DNAH9: variants seen among roughly 807,000 people sequenced by gnomAD.
DNAH9 encodes DNAH9 variant protein.
In DNAH9, 345 loss-of-function variants were observed where a neutral mutation model predicts 471.6. That is an observed-to-expected ratio of 0.73 (90% CI 0.67 to 0.80). The LOEUF (loss-of-function observed/expected upper bound fraction) is 0.80, where lower values mean the gene tolerates loss of function less well. Ranked by LOEUF, DNAH9 falls within the 30% of genes least tolerant of loss-of-function variation. The pLI is 0.00. For synonymous variants in DNAH9, 2,093 were observed against 2,123.6 expected (o/e 0.99, Z 0.40); for missense variants, 5,407 against 5,609.2 (o/e 0.96, Z 1.15).
At chr17:11,607,926 A>G (rs1308721269) in intron 1 of DNAH9, among the ~76,000 whole-genome samples, 1 of 152,076 alleles carries the variant, frequency 6.6e-6, no homozygotes, top group African/African-American at 2.4e-5. Flanking sequence ...GGGAAGGAAA[A>G]CTTGTAAGCA....
rs1298948380 is a variant in DNAH9, at chr17:11,623,876, C to G, written c.1350+4095C>G. 6.6e-6 allele frequency among the ~76,000 whole-genome samples: 1 copy of G among 152,154 alleles called. No homozygotes were observed. The highest frequency in any genetic ancestry group is 1.5e-5 in the Non-Finnish European group (1 of 68,046). ...CACAATTCTCCCAGATTTCATTTCT[C>G]TGATGTGAGTTGCTTTTTTATTCTT... On this transcript the variant is annotated intron_variant, in intron 6 of 68. Coordinates refer to ENST00000262442, the MANE Select transcript of DNAH9 (RefSeq NM_001372.4). The surrounding 1 kb of genome is among the most constrained non-coding windows in gnomAD (Gnocchi z 4.1).
intron 7 of DNAH9, 83 bp downstream of exon 7, chr17:11,629,667 T>C: frequency 7.8e-7 from 1 of 1,276,038 alleles, no homozygotes; most frequent in South Asian, 1.5e-5. Context: ...TTTACTTGCA[T>C]TTTCCCTGTG....
chr17:11,683,700 C>G (rs1005452434), intron 19 of DNAH9, among the ~76,000 whole-genome samples: 2 of 151,870 alleles, frequency 1.3e-5, no homozygotes, highest in South Asian at 2.1e-4. Context: ...GTTTTTCTTT[C>G]TTTGCACTTG....
Position 11,796,476 on chromosome 17 carries a change from G to A in DNAH9, c.8224-1121G>A, listed in dbSNP as rs28420189. ...AGTCCTTTCTTCTTACACCCAGGCA[G>A]CAGCCCTGGTTTCTCTATAGATGTT... On this transcript the variant is annotated intron_variant, in intron 42 of 68. Transcript: ENST00000262442. 5.7e-3 allele frequency among the ~76,000 whole-genome samples: 861 copies of A among 152,286 alleles called. 6 individuals carry two copies. The highest frequency in any genetic ancestry group is 0.019 in the African/African-American group (783 of 41,540).
In DNAH9 at chr17:11,619,469, T is replaced by C; in HGVS notation, c.1117-79T>C. 5 of 782,646 alleles carry C rather than the reference T, an allele frequency of 6.4e-6. No homozygotes were observed. In the South Asian group the frequency reaches 7.6e-5, roughly 12 times the overall value. The allele number at this position is 782,646 out of a possible 1,614,324, so 48.5% of individuals were successfully genotyped here. ...CTCGTGAAAAATATTACTGGGGCAA[T>C]GATTCAGTTCAGAGTTGGTGTTGCA... On this transcript the variant is annotated intron_variant, in intron 5 of 68. Coordinates refer to ENST00000262442, the MANE Select transcript of DNAH9 (RefSeq NM_001372.4).
rs763428105 is a variant in DNAH9, at chr17:11,881,377, G to A, written c.10770G>A (p.Val3590=). Residue 3590 remains valine, a synonymous_variant, in exon 55 of 69, where the codon GTG becomes GTA. Transcript: ENST00000262442. ...TGGAGGACCAGTTGCTGGCCGCTGT[G>A]GTCAGCATGGAGAGGCCAGACTTGG... The part of the protein sequence containing the change: ...DGLEDQLLAA[V]VSMERPDLEQ... The A allele has an allele frequency of 1.2e-6, 2 of 1,613,658 alleles. No individual in the cohort carries two copies. The highest frequency in any genetic ancestry group is 1.7e-6 in the Non-Finnish European group (2 of 1,180,008).
intron 45 of DNAH9, among the ~76,000 whole-genome samples, chr17:11,817,204 C>T (rs1970130018): frequency 6.6e-6 from 1 of 152,170 alleles, no homozygotes; most frequent in Non-Finnish European, 1.5e-5. Context: ...ACCTACATCA[C>T]AAAACAAGTG....
chr17:11,827,194 A>G (rs930621874), intron 48 of DNAH9, among the ~76,000 whole-genome samples: 1 of 152,172 alleles, frequency 6.6e-6, no homozygotes, highest in Non-Finnish European at 1.5e-5. Context: ...TGAACTCTCA[A>G]TCCAGCATCA....
At chr17:11,667,318 C>G (rs554301478) in intron 15 of DNAH9, among the ~76,000 whole-genome samples, 1 of 151,956 alleles carries the variant, frequency 6.6e-6, no homozygotes, top group East Asian at 1.9e-4. Context: ...ATAAACTATA[C>G]CATCTTATAA....
At chr17:11,701,367 T>G in intron 24 of DNAH9, 120 bp downstream of exon 24, 4 of 1,146,124 alleles carry the variant, frequency 3.5e-6, no homozygotes, top group South Asian at 2.9e-5. Flanking sequence ...CCAGGGAGGC[T>G]TGAATCCCAG....
chr17:11,644,427 C>T (rs1228672496), intron 10 of DNAH9, among the ~76,000 whole-genome samples: 3 of 152,050 alleles, frequency 2.0e-5, no homozygotes, highest in Non-Finnish European at 2.9e-5. Flanking sequence ...CTGACACTTG[C>T]GGAGCTGCCT....
intron 50 of DNAH9, among the ~76,000 whole-genome samples, chr17:11,863,040 A>G (rs1433429232): frequency 6.6e-6 from 1 of 152,198 alleles, no homozygotes; most frequent in Non-Finnish European, 1.5e-5. Flanking sequence ...TGCCCTGGAC[A>G]GAACTTCCAA....
chr17:11,610,571 A>G lies in DNAH9; in HGVS notation c.773+17A>G, dbSNP rs1168397561. 1 of 1,610,900 alleles carries G rather than the reference A, an allele frequency of 6.2e-7. No individual in the cohort carries two copies. Among genetic ancestry groups the G allele is most frequent in the Non-Finnish European group, 8.5e-7 (1 of 1,179,164 alleles). On this transcript the variant is annotated intron_variant, in intron 3 of 68. Coordinates refer to ENST00000262442, the MANE Select transcript of DNAH9 (RefSeq NM_001372.4). Reference sequence around the variant, plus strand: ...GAAGAGCAGGTAGGCAAGAAGGCACATGCTGGAAGTCTGGGGTGAAGATGT... The same window carrying G: ...GAAGAGCAGGTAGGCAAGAAGGCACGTGCTGGAAGTCTGGGGTGAAGATGT...
intron 50 of DNAH9, among the ~76,000 whole-genome samples, chr17:11,865,451 C>T (rs1175532933): frequency 1.3e-5 from 2 of 152,108 alleles, no homozygotes; most frequent in Non-Finnish European, 1.5e-5. Context: ...CTGCCCTTAA[C>T]ATTTTTTCCT....
At chr17:11,833,800 T>C (rs767578668) in intron 48 of DNAH9, among the ~76,000 whole-genome samples, 59 of 152,164 alleles carry the variant, frequency 3.9e-4, no homozygotes, top group Non-Finnish European at 5.3e-4. Context: ...AGTTTTTATA[T>C]ATGTTCTATC....
chr17:11,886,581 C>T lies in DNAH9; in HGVS notation c.10972-244C>T, dbSNP rs74328106. Among the ~76,000 whole-genome samples, 1,425 of 150,318 alleles carry T rather than the reference C, an allele frequency of 9.5e-3. 25 individuals are homozygous for T. The highest frequency in any genetic ancestry group is 0.033 in the African/African-American group (1,351 of 40,814). On this transcript the variant is annotated intron_variant, in intron 56 of 68. Coordinates refer to ENST00000262442, the MANE Select transcript of DNAH9 (RefSeq NM_001372.4). ...GGAGTGTGGAGGCTTTCATGGCTCA[C>T]GCTTCCCAACTGGAAGAGCTGACAC...
rs778538874 is a variant in DNAH9 at position 11,694,353 on chromosome 17, A to G, written c.4778A>G (p.Tyr1593Cys). The change falls in exon 22 of 69, where the codon TAC (tyrosine) becomes TGC (cysteine). Residue 1593 changes from tyrosine to cysteine, a missense_variant. Tyr to Cys is a radical substitution (Grantham distance 194). This residue lies in a region of DNAH9 where 4,636 missense variants were observed against 4,900.3 expected (regional missense o/e 0.95). Transcript: ENST00000262442. ...CTGTGTGAGAAGGCCCTGGCAGAGT[A>G]CCTCGACACCAAGAGGCTTGCCTTC... is the stretch of plus-strand genomic sequence containing the variant. ...LCLCEKALAEYLDTKRLAFPR... is the reference protein window; with the variant it reads ...LCLCEKALAECLDTKRLAFPR... The G allele has an allele frequency of 1.2e-5, 19 of 1,613,590 alleles. No individual in the cohort carries two copies. Among genetic ancestry groups the G allele is most frequent in the Non-Finnish European group, 1.5e-5 (18 of 1,179,924 alleles).
chr17:11,599,790 G>A (rs1251012481), intron 1 of DNAH9, among the ~76,000 whole-genome samples: 3 of 152,182 alleles, frequency 2.0e-5, no homozygotes, highest in South Asian at 2.1e-4. Flanking sequence ...ATAAGGATGG[G>A]CAGAATACTG....
At chr17:11,832,929 A>G (rs1411159608) in intron 48 of DNAH9, among the ~76,000 whole-genome samples, 7 of 152,234 alleles carry the variant, frequency 4.6e-5, no homozygotes, top group Non-Finnish European at 4.4e-5. Flanking sequence ...TGAAAAGGCC[A>G]TTACACTAGG....
Sources: allele counts gnomAD v4.1 joint callset (sites outside exome capture counted in the v4.1 genomes callset), GRCh38; gene constraint gnomAD v4.1.1; regional missense constraint gnomAD v4.1.1; non-coding constraint Gnocchi (gnomAD v3.1); transcripts MANE v1.5; gene names NCBI Gene and HGNC (gene_info 2026-07-23, HGNC 2026-07-21).